Variants in PLEKHA5 observed in about 807,000 individuals in gnomAD.
PLEKHA5 encodes the protein pleckstrin homology domain-containing family A member 5.
A neutral mutation model predicts 181.9 loss-of-function variants in PLEKHA5; 55 were observed. That is an observed-to-expected ratio of 0.30 (90% CI 0.24 to 0.38). PLEKHA5 has a LOEUF of 0.38. Ranked by LOEUF, PLEKHA5 falls within the 10% of genes least tolerant of loss-of-function variation. The probability of loss-of-function intolerance (pLI) is 1.00; values close to 1 mark genes in which losing one functional copy is unlikely to be tolerated. For missense variants in PLEKHA5, 1,432 were observed against 1,549.5 expected (o/e 0.92, Z 1.27); for synonymous variants, 535 against 529.4 (o/e 1.01, Z -0.15).
chr12:19,153,012 G>GT (rs2040821312), intron 3 of PLEKHA5: 1 of 5,666 alleles, frequency 1.8e-4, no homozygotes, highest in African/African-American at 2.9e-4. Flanking sequence ...TTTTTTTTTT[G>GT]TTGTTTTTAA....
At chr12:19,208,830 A>G (rs925553617) in intron 3 of PLEKHA5, among the ~76,000 whole-genome samples, 2 of 152,184 alleles carry the variant, frequency 1.3e-5, no homozygotes, top group African/African-American at 4.8e-5. Context: ...CAAATATTTG[A>G]CATCAATATG....
chr12:19,205,956 G>A (rs1421658314), intron 3 of PLEKHA5, among the ~76,000 whole-genome samples: 1 of 152,006 alleles, frequency 6.6e-6, no homozygotes, highest in African/African-American at 2.4e-5. Context: ...AAAAATGAAA[G>A]TTTGCTGTGT....
At chr12:19,155,822 A>G (rs757946564) in intron 3 of PLEKHA5, among the ~76,000 whole-genome samples, 13 of 152,198 alleles carry the variant, frequency 8.5e-5, no homozygotes, top group Admixed American at 6.5e-4. Context: ...ATAATACCTT[A>G]CTGTCCTGAA....
intron 3 of PLEKHA5, among the ~76,000 whole-genome samples, chr12:19,197,702 G>C (rs2053198239): frequency 6.8e-6 from 1 of 146,840 alleles, no homozygotes; most frequent in African/African-American, 2.6e-5. Context: ...GTGTGTGTGT[G>C]TGTGTGTGTG....
At chr12:19,367,339 TC>T (rs911167602) in intron 30 of PLEKHA5, among the ~76,000 whole-genome samples, 4 of 129,024 alleles carry the variant, frequency 3.1e-5, no homozygotes, top group African/African-American at 1.2e-4. Flanking sequence ...CACTGCAATC[TC>T]CACCTCCCAG....
At chr12:19,257,027 A>G (rs186965973) in intron 5 of PLEKHA5, among the ~76,000 whole-genome samples, 1 of 152,256 alleles carries the variant, frequency 6.6e-6, no homozygotes, top group East Asian at 1.9e-4. Flanking sequence ...ACTTTCTTTA[A>G]TTGAACCTGC....
chr12:19,168,334 A>C (rs2045038784), intron 3 of PLEKHA5, among the ~76,000 whole-genome samples: 1 of 152,178 alleles, frequency 6.6e-6, no homozygotes, highest in Non-Finnish European at 1.5e-5. Flanking sequence ...ATTATGTTTT[A>C]TGTATAAATA....
At chr12:19,206,301 A>G (rs1243944156) in intron 3 of PLEKHA5, among the ~76,000 whole-genome samples, 1 of 152,104 alleles carries the variant, frequency 6.6e-6, no homozygotes, top group East Asian at 1.9e-4. Context: ...TAATATTTAA[A>G]ATCTATACAT....
At chr12:19,152,827 A>C (rs1288630165) in intron 3 of PLEKHA5, 2 of 152,152 alleles carry the variant, frequency 1.3e-5, no homozygotes, top group Non-Finnish European at 2.9e-5. Context: ...TGTAAAGTAC[A>C]TGCATTTGAT....
intron 29 of PLEKHA5, among the ~76,000 whole-genome samples, chr12:19,364,459 C>T (rs1174100223): frequency 2.0e-5 from 3 of 151,666 alleles, no homozygotes; most frequent in Admixed American, 6.6e-5. Flanking sequence ...CTCAGTGAGC[C>T]GAGATCCCGC....
intron 13 of PLEKHA5, among the ~76,000 whole-genome samples, chr12:19,289,492 T>C (rs545399906): frequency 6.6e-6 from 1 of 152,322 alleles, no homozygotes; most frequent in Non-Finnish European, 1.5e-5. Context: ...AAGAGTACAT[T>C]GCAGCACTCC....
chr12:19,156,855 G>T (rs1274177153), intron 3 of PLEKHA5, among the ~76,000 whole-genome samples: 1 of 148,524 alleles, frequency 6.7e-6, no homozygotes, highest in Non-Finnish European at 1.5e-5. Flanking sequence ...GACCAGCCTG[G>T]CCAACATGGT....
chr12:19,351,604 C>T (rs1320824168), intron 25 of PLEKHA5, among the ~76,000 whole-genome samples: 2 of 151,964 alleles, frequency 1.3e-5, no homozygotes, highest in South Asian at 2.1e-4. Flanking sequence ...GAGCTGTGAT[C>T]GTGCCACTTA....
chr12:19,320,267 G>C (rs1592476588), intron 17 of PLEKHA5, among the ~76,000 whole-genome samples: 1 of 152,068 alleles, frequency 6.6e-6, no homozygotes, highest in Non-Finnish European at 1.5e-5. Flanking sequence ...AATAATGTGT[G>C]TCTTTAAAAG....
At chr12:19,259,331 C>G (rs934990163) in intron 6 of PLEKHA5, among the ~76,000 whole-genome samples, 3 of 151,966 alleles carry the variant, frequency 2.0e-5, no homozygotes, top group African/African-American at 7.3e-5. Context: ...CATGCCACTG[C>G]ACTCCAGCCT....
At chr12:19,230,656 G>A (rs893272558) in intron 3 of PLEKHA5, among the ~76,000 whole-genome samples, 75 of 152,150 alleles carry the variant, frequency 4.9e-4, no homozygotes, top group Admixed American at 4.2e-3. Context: ...CTCTGAGTGC[G>A]GCCCGCGGAG....
At chr12:19,332,971 A>T (rs984069469) in intron 20 of PLEKHA5, among the ~76,000 whole-genome samples, 2 of 152,182 alleles carry the variant, frequency 1.3e-5, no homozygotes, top group Non-Finnish European at 2.9e-5. Context: ...CTTTATGTGA[A>T]GTGTAACCAT....
At chr12:19,157,694 G>A (rs927552529) in intron 3 of PLEKHA5, among the ~76,000 whole-genome samples, 4 of 152,112 alleles carry the variant, frequency 2.6e-5, no homozygotes, top group African/African-American at 9.7e-5. Flanking sequence ...CTGTCACTGT[G>A]CAACCATTTA....
intron 11 of PLEKHA5, among the ~76,000 whole-genome samples, chr12:19,277,684 A>G (rs575079717): frequency 5.3e-5 from 8 of 152,312 alleles, no homozygotes; most frequent in African/African-American, 1.9e-4. Flanking sequence ...TAATGAAATG[A>G]TTTTTTATTG....
Sources: allele counts gnomAD v4.1 joint callset (sites outside exome capture counted in the v4.1 genomes callset), GRCh38; gene constraint gnomAD v4.1.1; transcripts MANE v1.5; gene names NCBI Gene and HGNC (gene_info 2026-07-23, HGNC 2026-07-21).